PTPRC: variants seen among roughly 807,000 people sequenced by gnomAD.
The protein encoded by PTPRC is protein tyrosine phosphatase receptor type C.
PTPRC carries 44 observed loss-of-function variants against 155.9 expected under a neutral mutation model. The ratio of observed to expected loss-of-function variants is 0.28; its 90% CI spans 0.22 to 0.36. PTPRC has a LOEUF of 0.36. PTPRC is among the 10% of genes least tolerant of loss of function. PTPRC has a pLI of 1.00. For missense variants in PTPRC, 1,401 were observed against 1,564.6 expected (o/e 0.90, Z 1.76); for synonymous variants, 525 against 533.1 (o/e 0.98, Z 0.21).
chr1:198,705,109 A>G (rs961544105), intron 8 of PTPRC, among the ~76,000 whole-genome samples: 53 of 151,680 alleles, frequency 3.5e-4, no homozygotes, highest in African/African-American at 1.2e-3. Context: ...ACTTGAAAAC[A>G]GTTTGTCTCT....
intron 13 of PTPRC, 93 bp downstream of exon 13, chr1:198,716,933 AGCACATTTACCTG>A (rs1653620495): frequency 8.1e-7 from 1 of 1,237,880 alleles, no homozygotes; most frequent in Non-Finnish European, 1.2e-6. Context: ...TATTCTAGCA[AGCACATTTACCTG>A]GCACATTTGT....
Position 198,702,504 on chromosome 1 carries a change from ACAC to A in PTPRC, c.563_565del (p.Thr188del). 1 of 1,614,092 alleles carries A rather than the reference ACAC, an allele frequency of 6.2e-7. No homozygotes were observed. Among genetic ancestry groups the A allele is most frequent in the Non-Finnish European group, 8.5e-7 (1 of 1,180,008 alleles). On this transcript the variant is annotated inframe_deletion, in exon 6 of 33. Transcript: ENST00000442510. Reference sequence around the variant, plus strand: ...GCTGCCTTACCTGCACGCACCTCCAACACCACCATCACAGCGAACACCTCAGGT... The same window carrying A: ...GCTGCCTTACCTGCACGCACCTCCAACACCATCACAGCGAACACCTCAGGT...
chr1:198,750,910 C>G (rs554332591), intron 29 of PTPRC, among the ~76,000 whole-genome samples: 1 of 151,960 alleles, frequency 6.6e-6, no homozygotes, highest in Non-Finnish European at 1.5e-5. Context: ...TACATTTTCA[C>G]GCTGTTTTCC....
At chr1:198,705,165 A>G (rs1652877286) in intron 8 of PTPRC, among the ~76,000 whole-genome samples, 1 of 151,760 alleles carries the variant, frequency 6.6e-6, no homozygotes, top group African/African-American at 2.4e-5. Flanking sequence ...GTTGAAGCAA[A>G]GCGGTTCTTC....
At chr1:198,666,409 T>C (rs1664309918) in intron 2 of PTPRC, among the ~76,000 whole-genome samples, 1 of 152,132 alleles carries the variant, frequency 6.6e-6, no homozygotes, top group African/African-American at 2.4e-5. Flanking sequence ...TTAGTGATCA[T>C]AGTGGCTCCA....
chr1:198,722,349 A>AAT lies in PTPRC; in HGVS notation c.1660-51_1660-50dup, dbSNP rs71717833. 6.0e-3 allele frequency: 3,788 copies of AAT among 633,386 alleles called. 8 individuals carry two copies. Among genetic ancestry groups the AAT allele is most frequent in the African/African-American group, 0.014 (702 of 50,076 alleles). 39.2% of individuals were successfully genotyped at this position (633,386 alleles called of 1,614,324 possible). A position where few individuals can be genotyped will look rare whatever the true frequency, so the allele number is the denominator to read the frequency against. Reference sequence around the variant, plus strand: ...ATAAATGTTTTACATTGTGATATATAATATATATATATATATAAATTCACA... The same window carrying AAT: ...ATAAATGTTTTACATTGTGATATATAATATATATATATATATATAAATTCACA... On this transcript the variant is annotated intron_variant, in intron 14 of 32. Transcript: ENST00000442510.
At position 198,752,772 on chromosome 1, in the gene PTPRC, G is replaced by A; in HGVS notation, c.3509G>A (p.Arg1170Lys). The change falls in exon 31 of 33, where the codon AGG becomes AAG. Residue 1170 changes from arginine (R) to lysine (K), a missense_variant and splice_region_variant. Physicochemically the swap from Arg to Lys is conservative, Grantham distance 26 (BLOSUM62 2). Coordinates refer to ENST00000442510, the MANE Select transcript of PTPRC (RefSeq NM_002838.5). ...AGTACACCTCTACTCATTCACTGCA[G>A]GTGCGTGGGATTTGGTAGAATGTGC... Reference protein sequence around the residue: ...HKSTPLLIHCRDGSQQTGIFC... With the variant: ...HKSTPLLIHCKDGSQQTGIFC... 2.5e-6 allele frequency: 4 copies of A among 1,612,106 alleles called. No homozygotes were observed. The highest frequency in any genetic ancestry group is 3.4e-6 in the Non-Finnish European group (4 of 1,178,904).
At chr1:198,713,529 C>T (rs1361731742) in intron 12 of PTPRC, among the ~76,000 whole-genome samples, 1 of 151,652 alleles carries the variant, frequency 6.6e-6, no homozygotes. Flanking sequence ...CCGCTGGGGC[C>T]AGTTTGGTGT....
intron 11 of PTPRC, 111 bp downstream of exon 11, chr1:198,709,935 T>C (rs1653206682): frequency 8.5e-6 from 12 of 1,410,218 alleles, no homozygotes; most frequent in African/African-American, 1.4e-5. Context: ...TGATACTTTT[T>C]AAGCATATGC....
chr1:198,747,904 C>A (rs1191044602), intron 26 of PTPRC, among the ~76,000 whole-genome samples: 1 of 151,736 alleles, frequency 6.6e-6, no homozygotes, highest in Non-Finnish European at 1.5e-5. Flanking sequence ...ATCTTTAGTG[C>A]ATACTAGCCC....
chr1:198,720,843 T>C (rs1653851703), intron 14 of PTPRC, among the ~76,000 whole-genome samples: 1 of 152,208 alleles, frequency 6.6e-6, no homozygotes, highest in Admixed American at 6.5e-5. Flanking sequence ...TGTCACATCA[T>C]TGTGTATTAT....
intron 2 of PTPRC, among the ~76,000 whole-genome samples, chr1:198,676,658 T>C (rs922653584): frequency 6.6e-6 from 1 of 152,164 alleles, no homozygotes; most frequent in Non-Finnish European, 1.5e-5. Flanking sequence ...TTTGAGTTGG[T>C]ATCTTTTTGA....
At chr1:198,738,088 A>C (rs7555443) in intron 23 of PTPRC, among the ~76,000 whole-genome samples, 91,800 of 151,506 alleles carry the variant, frequency 0.61, 28,171 homozygotes, top group African/African-American at 0.65. Context: ...AATATAAGAT[A>C]ATGGAATGTG....
In PTPRC at chr1:198,756,118, C is replaced by A; in HGVS notation, c.3858C>A (p.Gly1286=). ...EQAEGSEPTS[G]TEGPEHSVNG... is the part of the protein sequence containing the mutation. Reference sequence around the variant, plus strand: ...CTGAAGGTTCTGAACCCACGAGTGGCACTGAGGGGCCAGAACATTCTGTCA... The same window carrying A: ...CTGAAGGTTCTGAACCCACGAGTGGAACTGAGGGGCCAGAACATTCTGTCA... Residue 1286 remains glycine (G), a synonymous_variant, in exon 33 of 33, where the codon GGC becomes GGA. Coordinates refer to ENST00000442510, the MANE Select transcript of PTPRC (RefSeq NM_002838.5). The A allele has an allele frequency of 6.2e-7, 1 of 1,613,348 alleles. No homozygotes were observed. Among genetic ancestry groups the A allele is most frequent in the Non-Finnish European group, 8.5e-7 (1 of 1,179,624 alleles).
At chr1:198,700,469 T>G (rs1173010788) in intron 5 of PTPRC, among the ~76,000 whole-genome samples, 1 of 152,212 alleles carries the variant, frequency 6.6e-6, no homozygotes, top group Non-Finnish European at 1.5e-5. Flanking sequence ...ATAATTATTA[T>G]TTTGCAGTAT....
intron 25 of PTPRC, 29 bp from the exon 26 acceptor site, chr1:198,744,025 A>G: frequency 1.3e-6 from 2 of 1,569,046 alleles, no homozygotes; most frequent in Non-Finnish European, 8.8e-7. Flanking sequence ...TTATCAGTTA[A>G]CTATCTGTAT....
At chr1:198,729,067 T>C in intron 16 of PTPRC, 70 bp from the exon 17 acceptor site, 2 of 1,535,448 alleles carry the variant, frequency 1.3e-6, no homozygotes, top group Non-Finnish European at 1.8e-6. Flanking sequence ...ATTCATTAAA[T>C]ATAAGTAAAA....
At chr1:198,646,714 T>C (rs902015808) in intron 2 of PTPRC, among the ~76,000 whole-genome samples, 1 of 151,916 alleles carries the variant, frequency 6.6e-6, no homozygotes, top group African/African-American at 2.4e-5. Flanking sequence ...TTAAGACTGC[T>C]TGATAGCCTG....
At chr1:198,737,077 A>G (rs1197633878) in intron 23 of PTPRC, among the ~76,000 whole-genome samples, 1 of 151,732 alleles carries the variant, frequency 6.6e-6, no homozygotes, top group Non-Finnish European at 1.5e-5. Context: ...CTTCTTATGT[A>G]TTCTGGATAT....
Sources: gnomAD v4.1 joint callset for allele counts (sites outside exome capture counted in the v4.1 genomes callset) on GRCh38, gnomAD v4.1.1 for gene constraint, MANE v1.5 for transcripts, NCBI Gene and HGNC (gene_info 2026-07-23, HGNC 2026-07-21) for gene names.